Variants in TTC7B observed in about 807,000 individuals in gnomAD.
The protein encoded by TTC7B is tetratricopeptide repeat protein 7B.
TTC7B carries 28 observed loss-of-function variants against 106.8 expected under a neutral mutation model. That is an observed-to-expected ratio of 0.26 (90% CI 0.19 to 0.36). The LOEUF (loss-of-function observed/expected upper bound fraction) is 0.36, where lower values mean the gene tolerates loss of function less well. Ranked by LOEUF, TTC7B falls within the 10% of genes least tolerant of loss-of-function variation. TTC7B has a pLI of 1.00. For synonymous variants in TTC7B, 405 were observed against 430.6 expected (o/e 0.94, Z 0.74); for missense variants, 862 against 1,076.4 (o/e 0.80, Z 2.79).
intron 15 of TTC7B, among the ~76,000 whole-genome samples, chr14:90,634,943 G>A (rs1225281145): frequency 6.6e-6 from 1 of 152,198 alleles, no homozygotes; most frequent in Non-Finnish European, 1.5e-5. Flanking sequence ...TACAATAGCA[G>A]TAACAACAGC....
rs551558440 is a variant in TTC7B, at chr14:90,695,785, C to T, written c.699-207G>A. Among the ~76,000 whole-genome samples, 68 of 152,070 alleles carry T rather than the reference C, an allele frequency of 4.5e-4. 1 individual carries two copies. In the South Asian group the frequency reaches 0.014, roughly 31 times the overall value. ...CTTTTGTGTTTTCTAACCCCTAGCACATTTTCTCTAAAAAATAAAAATTTG... is the reference window on the plus strand; with the variant it reads ...CTTTTGTGTTTTCTAACCCCTAGCATATTTTCTCTAAAAAATAAAAATTTG... On this transcript the variant is annotated intron_variant, in intron 5 of 19. Coordinates refer to ENST00000328459, the MANE Select transcript of TTC7B (RefSeq NM_001010854.2).
At chr14:90,605,720 T>C (rs1698151816) in intron 17 of TTC7B, 1 of 1,286,442 alleles carries the variant, frequency 7.8e-7, no homozygotes, top group Non-Finnish European at 1.0e-6. Flanking sequence ...GGAGATTCGG[T>C]TCTTGAAAGA....
In TTC7B at chr14:90,694,629, T is replaced by C. The variant is rs1259689987; in HGVS notation, c.777+871A>G. 2.0e-5 allele frequency among the ~76,000 whole-genome samples: 3 copies of C among 146,948 alleles called. No homozygotes were observed. In the Admixed American group the frequency reaches 2.1e-4, roughly 10 times the overall value. ...AAATATATGTATAATATATGTCACA[T>C]ATATTTATAACACATATGTCACATA... On this transcript the variant is annotated intron_variant, in intron 6 of 19. Coordinates refer to ENST00000328459, the MANE Select transcript of TTC7B (RefSeq NM_001010854.2).
chr14:90,686,133 G>A lies in TTC7B; in HGVS notation c.950+3407C>T, dbSNP rs189862518. 9.9e-5 allele frequency among the ~76,000 whole-genome samples: 15 copies of A among 152,196 alleles called. No homozygotes were observed. The East Asian group carries it at 2.9e-3, about 29-fold the overall frequency. On this transcript the variant is annotated intron_variant, in intron 7 of 19. Transcript: ENST00000328459. Reference sequence around the variant, plus strand: ...AATAGAACCCAGCAATAATAAAAAGGAGTATATACCATGACTTGGACAGGG... The same window carrying A: ...AATAGAACCCAGCAATAATAAAAAGAAGTATATACCATGACTTGGACAGGG...
At chr14:90,599,235 G>A (rs532634897) in intron 17 of TTC7B, among the ~76,000 whole-genome samples, 19 of 152,306 alleles carry the variant, frequency 1.2e-4, no homozygotes, top group African/African-American at 3.4e-4. Flanking sequence ...TTTGTCACAC[G>A]CAAGTGTTGC....
At chr14:90,760,585 C>T (rs1255640644) in intron 3 of TTC7B, among the ~76,000 whole-genome samples, 1 of 152,226 alleles carries the variant, frequency 6.6e-6, no homozygotes, top group African/African-American at 2.4e-5. Context: ...CACAAATGTC[C>T]AAATGCTCAT....
At chr14:90,656,271 G>C (rs1181773165) in intron 11 of TTC7B, among the ~76,000 whole-genome samples, 2 of 152,230 alleles carry the variant, frequency 1.3e-5, no homozygotes, top group Admixed American at 1.3e-4. Flanking sequence ...GAGTTTGTAA[G>C]ATGCTTCGGT....
chr14:90,742,079 CT>C lies in TTC7B; in HGVS notation c.576+2712del, dbSNP rs530623437. ...TGGTCAAATAAAACATATTTATTGA[CT>C]TTTTTTTTTAAGTGCAGTGGTACAA... On this transcript the variant is annotated intron_variant, in intron 4 of 19. Coordinates refer to ENST00000328459, the MANE Select transcript of TTC7B (RefSeq NM_001010854.2). The surrounding 1 kb of genome is among the most constrained non-coding windows in gnomAD (Gnocchi z 4.1). Among the ~76,000 whole-genome samples, 15 of 148,824 alleles carry C rather than the reference CT, an allele frequency of 1.0e-4. No homozygotes were observed. Among genetic ancestry groups the C allele is most frequent in the East Asian group, 2.0e-4 (1 of 5,102 alleles).
intron 5 of TTC7B, among the ~76,000 whole-genome samples, chr14:90,700,448 C>T (rs1887939964): frequency 1.3e-5 from 2 of 151,986 alleles, no homozygotes; most frequent in Admixed American, 6.5e-5. Flanking sequence ...CAAAGGCCCC[C>T]TGTGTACCCA....
rs1891245826 is a variant in TTC7B at position 90,575,895 on chromosome 14, G to C, written c.2310+2211C>G. Among the ~76,000 whole-genome samples, 1 of 152,124 alleles carries C rather than the reference G, an allele frequency of 6.6e-6. No individual in the cohort carries two copies. Among genetic ancestry groups the C allele is most frequent in the South Asian group, 2.1e-4 (1 of 4,816 alleles). On this transcript the variant is annotated intron_variant, in intron 19 of 19. Transcript: ENST00000328459. The surrounding 1 kb of genome is among the most constrained non-coding windows in gnomAD (Gnocchi z 5.2). ...TATGATGACCCCTCTCTACTGGCAA[G>C]ATCTCCAAAGCAGCTCATGTCTCTG...
chr14:90,721,093 A>G (rs181772535), intron 5 of TTC7B, among the ~76,000 whole-genome samples: 262 of 152,288 alleles, frequency 1.7e-3, no homozygotes, highest in Middle Eastern at 6.8e-3. Flanking sequence ...AAGAGGCAGC[A>G]TATCACCGGT....
At chr14:90,706,163 T>TTTTA in intron 5 of TTC7B, among the ~76,000 whole-genome samples, 1 of 9,866 alleles carries the variant, frequency 1.0e-4, no homozygotes, top group East Asian at 8.1e-4. Flanking sequence ...CTGGAATAAT[T>TTTTA]TTTTTTTTTT....
In TTC7B at chr14:90,577,217, C is replaced by T. The variant is rs374294264; in HGVS notation, c.2310+889G>A. Among the ~76,000 whole-genome samples the T allele has an allele frequency of 2.6e-5, 4 of 152,348 alleles. No homozygotes were observed. The highest frequency in any genetic ancestry group is 9.6e-5 in the African/African-American group (4 of 41,580). On this transcript the variant is annotated intron_variant, in intron 19 of 19. Transcript: ENST00000328459. The surrounding 1 kb of genome is among the most constrained non-coding windows in gnomAD (Gnocchi z 5.0). ...GAAACAACAATTCAGAACCAAAGCCCAGCATGCAGGCCCAGGGAACGTGGC... is the reference window on the plus strand; with the variant it reads ...GAAACAACAATTCAGAACCAAAGCCTAGCATGCAGGCCCAGGGAACGTGGC...
At chr14:90,544,551 G>A (rs768408580) in intron 19 of TTC7B, among the ~76,000 whole-genome samples, 6 of 152,170 alleles carry the variant, frequency 3.9e-5, no homozygotes, top group Non-Finnish European at 7.3e-5. Flanking sequence ...CCACATTCTC[G>A]CTTCCCAACC....
chr14:90,756,384 G>GTTT (rs369068692), intron 3 of TTC7B, among the ~76,000 whole-genome samples: 5 of 126,778 alleles, frequency 3.9e-5, no homozygotes, highest in East Asian at 2.3e-4. Context: ...TTTTTTTTTT[G>GTTT]TTTTTTTTTT....
rs1889246123 is a variant in TTC7B, at chr14:90,530,040, G to T, written c.*11328C>A. 1 of 152,214 alleles carries T rather than the reference G, an allele frequency of 6.6e-6. No individual in the cohort carries two copies. Among genetic ancestry groups the T allele is most frequent in the Non-Finnish European group, 1.5e-5 (1 of 68,062 alleles). The allele number at this position is 152,214 out of a possible 1,614,324, so 9.4% of individuals were successfully genotyped here. ...TCCCAGCACTTTGGGAGGCCGAGGT[G>T]GGCGGATCACGAGGTCAGGAGATCA... is the stretch of plus-strand genomic sequence containing the variant. On this transcript the variant is annotated 3_prime_UTR_variant, in exon 20 of 20. Transcript: ENST00000328459.
intron 15 of TTC7B, among the ~76,000 whole-genome samples, chr14:90,631,566 A>C (rs1884705808): frequency 6.6e-6 from 1 of 151,392 alleles, no homozygotes; most frequent in South Asian, 2.1e-4. Flanking sequence ...ATGTTACCAC[A>C]CCCGGCTAAT....
rs1478204927 is a variant in TTC7B, at chr14:90,630,836, TTG to T, written c.1752-12793_1752-12792del. On this transcript the variant is annotated intron_variant, in intron 15 of 19. Coordinates refer to ENST00000328459, the MANE Select transcript of TTC7B (RefSeq NM_001010854.2). ...TCAGAATGTCCTTCTATCTTGTTTTTTGTTTTTTTTTTTTTTGAGATGGAGTC... is the reference window on the plus strand; with the variant it reads ...TCAGAATGTCCTTCTATCTTGTTTTTTTTTTTTTTTTTTTGAGATGGAGTC... 8.1e-4 allele frequency among the ~76,000 whole-genome samples: 115 copies of T among 142,394 alleles called. 4 individuals are homozygous for T. The highest frequency in any genetic ancestry group is 1.6e-3 in the African/African-American group (66 of 40,672). The allele number at this position is 142,394 out of a possible 152,430, so 93.4% of individuals were successfully genotyped here.
intron 17 of TTC7B, among the ~76,000 whole-genome samples, chr14:90,596,634 A>G (rs577694830): frequency 6.6e-6 from 1 of 152,286 alleles, no homozygotes; most frequent in South Asian, 2.1e-4. Flanking sequence ...TTCTCCCTAC[A>G]ATAAGTGAGA....
Sources: gnomAD v4.1 joint callset for allele counts (sites outside exome capture counted in the v4.1 genomes callset) on GRCh38, gnomAD v4.1.1 for gene constraint, Gnocchi (gnomAD v3.1) non-coding constraint, MANE v1.5 for transcripts, NCBI Gene and HGNC (gene_info 2026-07-23, HGNC 2026-07-21) for gene names.